Variants in ERC1 observed in about 807,000 individuals in gnomAD.
The protein encoded by ERC1 is RAB6 interacting protein 2.
ERC1 carries 56 observed loss-of-function variants against 132.0 expected under a neutral mutation model. The observed-to-expected ratio is 0.42, with a 90% CI of 0.34 to 0.53. The LOEUF (loss-of-function observed/expected upper bound fraction) is 0.53. Among genes scored for constraint, ERC1 ranks in the 20% least tolerant of loss-of-function variants. The probability of loss-of-function intolerance (pLI) is 0.03; values close to 1 mark genes in which losing one functional copy is unlikely to be tolerated. For missense variants in ERC1, 1,202 were observed against 1,349.9 expected (o/e 0.89, Z 1.72); for synonymous variants, 478 against 476.1 (o/e 1.00, Z -0.05).
intron 16 of ERC1, among the ~76,000 whole-genome samples, chr12:1,384,706 T>G (rs560955784): frequency 6.6e-6 from 1 of 152,178 alleles, no homozygotes; most frequent in African/African-American, 2.4e-5. Context: ...TTTTATGAAA[T>G]ATAAGAATTT....
At chr12:1,402,116 T>C (rs1412591844) in intron 16 of ERC1, among the ~76,000 whole-genome samples, 1 of 152,192 alleles carries the variant, frequency 6.6e-6, no homozygotes, top group African/African-American at 2.4e-5. Context: ...TTGCAAATAT[T>C]GTAAAAAAGA....
At chr12:1,239,776 C>T (rs2075675768) in intron 13 of ERC1, among the ~76,000 whole-genome samples, 1 of 152,030 alleles carries the variant, frequency 6.6e-6, no homozygotes, top group African/African-American at 2.4e-5. Flanking sequence ...TTACTCATTC[C>T]AGGATTAGAG....
intron 17 of ERC1, among the ~76,000 whole-genome samples, chr12:1,411,914 G>T (rs2154395976): frequency 6.6e-6 from 1 of 152,284 alleles, no homozygotes; most frequent in East Asian, 1.9e-4. Flanking sequence ...AAGCAAATCA[G>T]TATATAAACT....
chr12:1,221,995 A>G (rs1959031998), intron 12 of ERC1, among the ~76,000 whole-genome samples: 4 of 152,228 alleles, frequency 2.6e-5, no homozygotes. Flanking sequence ...CTGCACAGCC[A>G]GGCTGTAAGG....
chr12:1,266,342 A>G (rs1206837656), intron 14 of ERC1, among the ~76,000 whole-genome samples: 2 of 137,996 alleles, frequency 1.4e-5, no homozygotes, highest in African/African-American at 5.6e-5. Flanking sequence ...ACCTTCATCT[A>G]CTGTCCTCTC....
At chr12:1,289,084 T>TATAC (rs374803481) in intron 14 of ERC1, among the ~76,000 whole-genome samples, 2 of 102,884 alleles carry the variant, frequency 1.9e-5, no homozygotes, top group African/African-American at 7.4e-5. Context: ...ATCTGGTATG[T>TATAC]ACACACACAC....
chr12:1,374,893 A>G (rs554491627), intron 16 of ERC1, among the ~76,000 whole-genome samples: 1 of 150,626 alleles, frequency 6.6e-6, no homozygotes, highest in East Asian at 1.9e-4. Flanking sequence ...AAGGCTACAA[A>G]CTTAAACAGA....
At position 1,361,954 on chromosome 12, in the gene ERC1, TA is replaced by T. The variant is rs1426882650; in HGVS notation, c.2781-9876del. The stretch of plus-strand genomic sequence containing the variant: ...AAAGCACCTGGATTCCAATGCTTCT[TA>T]AAGTCATTCTGTTTTTCCATGCAGT... On this transcript the variant is annotated intron_variant, in intron 15 of 18. Coordinates refer to ENST00000360905, the MANE Select transcript of ERC1 (RefSeq NM_178040.4). Among the ~76,000 whole-genome samples, 12 of 152,324 alleles carry T rather than the reference TA, an allele frequency of 7.9e-5. No individual in the cohort carries two copies. In the East Asian group the frequency reaches 2.3e-3, roughly 29 times the overall value.
intron 7 of ERC1, among the ~76,000 whole-genome samples, chr12:1,131,674 C>T (rs1020199387): frequency 2.6e-5 from 4 of 152,078 alleles, no homozygotes; most frequent in African/African-American, 9.7e-5. Context: ...ACCCTGTTAG[C>T]CAGGATGGTC....
chr12:999,085 C>T (rs1040265308), intron 1 of ERC1, among the ~76,000 whole-genome samples: 7 of 152,098 alleles, frequency 4.6e-5, no homozygotes, highest in Non-Finnish European at 1.0e-4. Flanking sequence ...GTCTCGAACT[C>T]CTGGCCTCAG....
intron 11 of ERC1, among the ~76,000 whole-genome samples, chr12:1,187,699 T>C (rs1955259052): frequency 6.6e-6 from 1 of 152,234 alleles, no homozygotes; most frequent in East Asian, 1.9e-4. Context: ...TTAAATCAAA[T>C]GGAAACTAGC....
intron 2 of ERC1, among the ~76,000 whole-genome samples, chr12:1,054,284 A>G (rs1386643765): frequency 1.3e-5 from 2 of 152,158 alleles, no homozygotes; most frequent in Middle Eastern, 3.2e-3. Context: ...GGGCCATTCT[A>G]AGGCCAGTGC....
intron 15 of ERC1, among the ~76,000 whole-genome samples, chr12:1,370,902 A>G (rs568358816): frequency 2.0e-5 from 3 of 152,124 alleles, no homozygotes; most frequent in Admixed American, 6.5e-5. Context: ...TAATTTTTGT[A>G]TGGTTTTGCC....
intron 17 of ERC1, chr12:1,430,522 CAT>C (rs1228485203): frequency 6.6e-6 from 1 of 152,300 alleles, no homozygotes; most frequent in Non-Finnish European, 1.5e-5. Flanking sequence ...GGATTACAGG[CAT>C]GCACCACCAC....
intron 15 of ERC1, among the ~76,000 whole-genome samples, chr12:1,336,728 G>T (rs1005263317): frequency 2.2e-4 from 34 of 152,064 alleles, no homozygotes; most frequent in African/African-American, 8.0e-4. Context: ...TGTTGCTTTT[G>T]GGTGGAGAAT....
intron 14 of ERC1, among the ~76,000 whole-genome samples, chr12:1,280,674 T>C (rs2078619844): frequency 6.6e-6 from 1 of 152,194 alleles, no homozygotes. Flanking sequence ...AGCATACAAG[T>C]GTTGAGCCTT....
At chr12:1,108,903 T>A (rs1366807434) in intron 4 of ERC1, among the ~76,000 whole-genome samples, 1 of 152,208 alleles carries the variant, frequency 6.6e-6, no homozygotes, top group Non-Finnish European at 1.5e-5. Flanking sequence ...ATATAAAGCC[T>A]TAATCTCTCT....
chr12:1,412,383 A>G (rs1445003428), intron 17 of ERC1, among the ~76,000 whole-genome samples: 1 of 152,220 alleles, frequency 6.6e-6, no homozygotes, highest in East Asian at 1.9e-4. Flanking sequence ...CATAGATGGG[A>G]AGAGAATCAC....
intron 5 of ERC1, 58 bp from the exon 6 acceptor site, chr12:1,112,157 G>C: frequency 8.6e-7 from 1 of 1,168,658 alleles, no homozygotes; most frequent in Non-Finnish European, 1.3e-6. Flanking sequence ...CTCAAAAGTA[G>C]ACAAGAAGAA....
Sources: allele counts gnomAD v4.1 joint callset (sites outside exome capture counted in the v4.1 genomes callset), GRCh38; gene constraint gnomAD v4.1.1; transcripts MANE v1.5; gene names NCBI Gene and HGNC (gene_info 2026-07-23, HGNC 2026-07-21).